TMEM132C: variants seen among roughly 807,000 people sequenced by gnomAD.
TMEM132C encodes the protein protein phosphatase 1, regulatory subunit 152.
A neutral mutation model predicts 61.4 loss-of-function variants in TMEM132C; 29 were observed. That is an observed-to-expected ratio of 0.47 (90% CI 0.35 to 0.64). The LOEUF is 0.64. Ranked by LOEUF, TMEM132C falls within the 30% of genes least tolerant of loss-of-function variation. The pLI is 0.00. For missense variants in TMEM132C, 1,408 were observed against 1,476.9 expected (o/e 0.95, Z 0.76); for synonymous variants, 656 against 633.1 (o/e 1.04, Z -0.54).
intron 4 of TMEM132C, among the ~76,000 whole-genome samples, chr12:128,654,763 G>T (rs2135614487): frequency 6.6e-6 from 1 of 152,294 alleles, no homozygotes. Flanking sequence ...GTACACTGTT[G>T]CACTGTGCTA....
intron 3 of TMEM132C, among the ~76,000 whole-genome samples, chr12:128,593,015 A>C (rs1875810281): frequency 1.4e-5 from 2 of 146,996 alleles, no homozygotes; most frequent in African/African-American, 2.5e-5. Context: ...CCCTTCTCTC[A>C]CCTTCCTTCT....
chr12:128,661,303 T>G (rs1449823508), intron 4 of TMEM132C, among the ~76,000 whole-genome samples: 1 of 152,182 alleles, frequency 6.6e-6, no homozygotes, highest in African/African-American at 2.4e-5. Flanking sequence ...GTCAGCTGAT[T>G]ATGAGCATTA....
intron 3 of TMEM132C, among the ~76,000 whole-genome samples, chr12:128,600,668 C>T (rs896152012): frequency 2.6e-5 from 4 of 152,294 alleles, no homozygotes; most frequent in Non-Finnish European, 4.4e-5. Context: ...AGTCTCCTCG[C>T]GTGTCTTTAG....
intron 1 of TMEM132C, chr12:128,289,094 G>C (rs1302129744): frequency 6.6e-6 from 1 of 152,182 alleles, no homozygotes; most frequent in East Asian, 1.9e-4. Flanking sequence ...TCATTCACAT[G>C]TGTGCCCACA....
chr12:128,356,877 C>G (rs564115737), intron 1 of TMEM132C, among the ~76,000 whole-genome samples: 1 of 152,278 alleles, frequency 6.6e-6, no homozygotes, highest in South Asian at 2.1e-4. Flanking sequence ...TAAAAATGTG[C>G]TTATTTCTAC....
intron 4 of TMEM132C, among the ~76,000 whole-genome samples, chr12:128,626,787 C>T (rs1954021566): frequency 6.6e-6 from 1 of 152,154 alleles, no homozygotes; most frequent in South Asian, 2.1e-4. Flanking sequence ...TGTGAGCACA[C>T]ATATCTTACT....
chr12:128,521,416 T>G (rs1872901315), intron 2 of TMEM132C, among the ~76,000 whole-genome samples: 1 of 151,806 alleles, frequency 6.6e-6, no homozygotes, highest in Non-Finnish European at 1.5e-5. Flanking sequence ...TCATTTACAT[T>G]AGGTATTCCT....
Position 128,616,204 on chromosome 12 carries a change from T to TTCAGCAGCCTTTCAGGGAC in TMEM132C, c.1180_1198dup (p.Pro400GlnfsTer45). 6.4e-7 allele frequency: 1 copy of TTCAGCAGCCTTTCAGGGAC among 1,551,758 alleles called. No individual in the cohort carries two copies. Among genetic ancestry groups the TTCAGCAGCCTTTCAGGGAC allele is most frequent in the Non-Finnish European group, 8.7e-7 (1 of 1,146,998 alleles). ...GCAGATGAACTTTGAAATAGCCAGTTTCAGCAGCCTTTCAGGGACTCAGCC... is the reference window on the plus strand; with the variant it reads ...GCAGATGAACTTTGAAATAGCCAGTTTCAGCAGCCTTTCAGGGACTCAGCAGCCTTTCAGGGACTCAGCC... On this transcript the variant is annotated frameshift_variant, in exon 4 of 9. Transcript: ENST00000435159. LOFTEE classifies it high-confidence loss of function.
At chr12:128,303,699 A>G (rs1372684014) in intron 1 of TMEM132C, among the ~76,000 whole-genome samples, 1 of 152,134 alleles carries the variant, frequency 6.6e-6, no homozygotes, top group African/African-American at 2.4e-5. Context: ...CGCTGCTGCT[A>G]GGCTTGACAT....
At chr12:128,548,734 TCA>T (rs1874050868) in intron 3 of TMEM132C, among the ~76,000 whole-genome samples, 1 of 152,234 alleles carries the variant, frequency 6.6e-6, no homozygotes, top group African/African-American at 2.4e-5. Flanking sequence ...AGTTCTGTGT[TCA>T]CAGATTCCAG....
At chr12:128,651,519 A>G (rs983425391) in intron 4 of TMEM132C, among the ~76,000 whole-genome samples, 6 of 152,200 alleles carry the variant, frequency 3.9e-5, no homozygotes. Flanking sequence ...CTTTTCTTTC[A>G]TGCTCTATAT....
intron 2 of TMEM132C, among the ~76,000 whole-genome samples, chr12:128,518,718 ATGTG>A (rs754178521): frequency 6.6e-6 from 1 of 151,526 alleles, no homozygotes; most frequent in Admixed American, 6.6e-5. Context: ...TGGTGTGTGA[ATGTG>A]TGTGTGTGTG....
chr12:128,573,034 G>A, intron 3 of TMEM132C, among the ~76,000 whole-genome samples: 1 of 152,210 alleles, frequency 6.6e-6, no homozygotes, highest in Non-Finnish European at 1.5e-5. Flanking sequence ...CATTGTGGAA[G>A]ACAGTGTGGC....
intron 3 of TMEM132C, among the ~76,000 whole-genome samples, chr12:128,551,439 C>T (rs1874172702): frequency 6.6e-6 from 1 of 152,172 alleles, no homozygotes; most frequent in Non-Finnish European, 1.5e-5. Flanking sequence ...GACCGCGTGG[C>T]ATTTGGTTTC....
intron 2 of TMEM132C, among the ~76,000 whole-genome samples, chr12:128,492,017 C>T (rs2136101285): frequency 6.6e-6 from 1 of 152,276 alleles, no homozygotes; most frequent in Non-Finnish European, 1.5e-5. Context: ...CACCCCACGA[C>T]AGGCCCCGGT....
chr12:128,322,105 T>C (rs1872355001), intron 1 of TMEM132C, among the ~76,000 whole-genome samples: 3 of 152,368 alleles, frequency 2.0e-5, no homozygotes, highest in African/African-American at 4.8e-5. Flanking sequence ...TTGTGACTTA[T>C]CTGATGAATC....
chr12:128,560,673 G>A (rs555388446), intron 3 of TMEM132C, among the ~76,000 whole-genome samples: 1 of 152,288 alleles, frequency 6.6e-6, no homozygotes, highest in South Asian at 2.1e-4. Context: ...ACCATGGCAG[G>A]GAAGTGCCTA....
intron 1 of TMEM132C, among the ~76,000 whole-genome samples, chr12:128,273,584 T>G (rs1339437337): frequency 1.3e-5 from 2 of 152,116 alleles, no homozygotes; most frequent in Non-Finnish European, 2.9e-5. Context: ...ATTTTGCTCA[T>G]TGTTTTATTT....
intron 2 of TMEM132C, among the ~76,000 whole-genome samples, chr12:128,420,458 G>A (rs1291106874): frequency 6.6e-6 from 1 of 152,168 alleles, no homozygotes; most frequent in Non-Finnish European, 1.5e-5. Flanking sequence ...ATGGAAGATT[G>A]GAGAGGTAGG....
Sources: gnomAD v4.1 joint callset for allele counts (sites outside exome capture counted in the v4.1 genomes callset) on GRCh38, gnomAD v4.1.1 for gene constraint, MANE v1.5 for transcripts, NCBI Gene and HGNC (gene_info 2026-07-23, HGNC 2026-07-21) for gene names.